Variants in SEMA6D observed in about 807,000 individuals in gnomAD.
The protein encoded by SEMA6D is semaphorin 6D, also known as semaphorin-6D.
SEMA6D carries 35 observed loss-of-function variants against 106.6 expected under a neutral mutation model. That is an observed-to-expected ratio of 0.33 (90% confidence interval 0.25 to 0.44). The LOEUF (loss-of-function observed/expected upper bound fraction) is 0.44, where lower values mean the gene tolerates loss of function less well. Among genes scored for constraint, SEMA6D ranks in the 20% least tolerant of loss-of-function variants. SEMA6D has a pLI of 1.00. For missense variants in SEMA6D, 1,185 were observed against 1,345.9 expected, an observed-to-expected ratio of 0.88 and a Z score of 1.87; for synonymous variants, 499 against 487.7, an observed-to-expected ratio of 1.02 and a Z score of -0.31.
chr15:47,654,740 C>T (rs1424228627), intron 4 of SEMA6D, among the ~76,000 whole-genome samples: 2 of 152,204 alleles, frequency 1.3e-5, no homozygotes. Flanking sequence ...CTTGCTCCTG[C>T]TTTTGTCACA....
intron 4 of SEMA6D, among the ~76,000 whole-genome samples, chr15:47,634,831 G>A (rs1394607452): frequency 6.6e-6 from 1 of 151,984 alleles, no homozygotes; most frequent in Non-Finnish European, 1.5e-5. Flanking sequence ...GGGGCGGGGT[G>A]GAAGTTCAAC....
chr15:47,617,527 A>G (rs948667786), intron 4 of SEMA6D, among the ~76,000 whole-genome samples: 1 of 152,148 alleles, frequency 6.6e-6, no homozygotes, highest in Non-Finnish European at 1.5e-5. Flanking sequence ...GGAAAGAGGA[A>G]AATGGCCAGT....
At chr15:47,501,578 G>C (rs142848579) in intron 3 of SEMA6D, among the ~76,000 whole-genome samples, 1 of 152,262 alleles carries the variant, frequency 6.6e-6, no homozygotes, top group East Asian at 1.9e-4. Flanking sequence ...ATCTGCCCTT[G>C]CTTAATATGT....
intron 1 of SEMA6D, among the ~76,000 whole-genome samples, chr15:47,405,866 A>C (rs938506453): frequency 2.0e-5 from 3 of 152,082 alleles, no homozygotes; most frequent in African/African-American, 7.2e-5. Context: ...GGGTTACCAA[A>C]CCTCTTCCCA....
At chr15:47,728,938 C>T (rs751387785) in intron 1 of SEMA6D, among the ~76,000 whole-genome samples, 66 of 152,136 alleles carry the variant, frequency 4.3e-4, no homozygotes, top group Non-Finnish European at 8.7e-4. Flanking sequence ...TTTTAATATC[C>T]ATTACTTAAT....
At chr15:47,746,938 C>A (rs1020194624) in intron 1 of SEMA6D, among the ~76,000 whole-genome samples, 1 of 149,562 alleles carries the variant, frequency 6.7e-6, no homozygotes, top group African/African-American at 2.4e-5. Context: ...AAAGGAGACA[C>A]GATTGTTCAT....
chr15:47,422,096 T>TA (rs2041177294), intron 2 of SEMA6D, among the ~76,000 whole-genome samples: 1 of 150,920 alleles, frequency 6.6e-6, no homozygotes. Context: ...ATTGTTTATT[T>TA]TTTTTTCTTT....
intron 4 of SEMA6D, among the ~76,000 whole-genome samples, chr15:47,679,685 T>C (rs1314493529): frequency 6.6e-6 from 1 of 152,208 alleles, no homozygotes; most frequent in African/African-American, 2.4e-5. Flanking sequence ...TTGATAAAAA[T>C]TGAAATAAAT....
intron 1 of SEMA6D, among the ~76,000 whole-genome samples, chr15:47,346,759 A>AT (rs1395917534): frequency 2.0e-5 from 3 of 151,826 alleles, no homozygotes; most frequent in African/African-American, 7.3e-5. Flanking sequence ...ATTTTTATAT[A>AT]TTTTTTTCTT....
intron 1 of SEMA6D, among the ~76,000 whole-genome samples, chr15:47,290,042 AAAAT>A (rs1341891031): frequency 1.1e-4 from 17 of 152,198 alleles, no homozygotes; most frequent in Non-Finnish European, 1.5e-5. Flanking sequence ...CTTGAGGAAA[AAAAT>A]GTCTTTCTCT....
chr15:47,277,337 C>T (rs959672673), intron 1 of SEMA6D, among the ~76,000 whole-genome samples: 7 of 152,140 alleles, frequency 4.6e-5, no homozygotes, highest in Middle Eastern at 6.8e-3. Flanking sequence ...ACATCACATG[C>T]TACATAGAAA....
intron 1 of SEMA6D, among the ~76,000 whole-genome samples, chr15:47,345,011 C>A (rs913588832): frequency 2.4e-4 from 37 of 152,042 alleles, no homozygotes; most frequent in African/African-American, 8.7e-4. Context: ...ATAATTTAAA[C>A]CCTGAAAACT....
chr15:47,257,439 C>A (rs1341450803), intron 1 of SEMA6D, among the ~76,000 whole-genome samples: 1 of 152,134 alleles, frequency 6.6e-6, no homozygotes, highest in African/African-American at 2.4e-5. Flanking sequence ...TTTTGTGTTA[C>A]CAGTTTCCCT....
intron 1 of SEMA6D, among the ~76,000 whole-genome samples, chr15:47,229,274 A>T (rs532557966): frequency 6.6e-6 from 1 of 151,924 alleles, no homozygotes; most frequent in African/African-American, 2.4e-5. Context: ...CTAAAGATCT[A>T]TTTGTTTTCT....
intron 1 of SEMA6D, among the ~76,000 whole-genome samples, chr15:47,238,502 G>A (rs921303781): frequency 6.6e-6 from 1 of 151,986 alleles, no homozygotes; most frequent in Non-Finnish European, 1.5e-5. Context: ...ACTATAATAC[G>A]AATTATATTT....
intron 1 of SEMA6D, among the ~76,000 whole-genome samples, chr15:47,219,330 C>T (rs761586809): frequency 4.6e-5 from 7 of 152,148 alleles, no homozygotes; most frequent in Admixed American, 2.0e-4. Context: ...GAAGCACATT[C>T]AATAAAATTC....
At chr15:47,434,744 C>T (rs539610364) in intron 2 of SEMA6D, among the ~76,000 whole-genome samples, 1 of 152,240 alleles carries the variant, frequency 6.6e-6, no homozygotes, top group African/African-American at 2.4e-5. Context: ...GGCATAGCTC[C>T]TTCTGAATCA....
At chr15:47,576,878 T>C (rs1234133889) in intron 3 of SEMA6D, among the ~76,000 whole-genome samples, 3 of 152,192 alleles carry the variant, frequency 2.0e-5, no homozygotes, top group Admixed American at 2.0e-4. Flanking sequence ...GATGTTTCCT[T>C]TTGTTCTTTG....
chr15:47,265,181 A>T (rs1348896746), intron 1 of SEMA6D, among the ~76,000 whole-genome samples: 2 of 151,956 alleles, frequency 1.3e-5, no homozygotes, highest in African/African-American at 4.8e-5. Flanking sequence ...TTTTGTAAAT[A>T]ACTGGTATTA....
Sources: allele counts gnomAD v4.1 joint callset (sites outside exome capture counted in the v4.1 genomes callset), GRCh38; gene constraint gnomAD v4.1.1; transcripts MANE v1.5; gene names NCBI Gene and HGNC (gene_info 2026-07-23, HGNC 2026-07-21).